MRC2: variants seen among roughly 807,000 people sequenced by gnomAD.
The protein encoded by MRC2 is C-type mannose receptor 2.
In MRC2, 84 loss-of-function variants were observed where a neutral mutation model predicts 206.2. The observed-to-expected ratio is 0.41, with a 90% confidence interval of 0.34 to 0.49. MRC2 has a LOEUF of 0.49. Ranked by LOEUF, MRC2 falls within the 20% of genes least tolerant of loss-of-function variation. The pLI, the probability that MRC2 is intolerant of heterozygous loss-of-function variation, is 0.31. For synonymous variants in MRC2, 798 were observed against 800.0 expected (o/e 1.00, Z 0.04); for missense variants, 1,676 against 2,001.5 (o/e 0.84, Z 3.10).
Position 62,675,530 on chromosome 17 carries a change from C to A in MRC2, c.1570-260C>A, listed in dbSNP as rs747445294. 1.1e-4 allele frequency among the ~76,000 whole-genome samples: 17 copies of A among 152,228 alleles called. No individual in the cohort carries two copies. The highest frequency in any genetic ancestry group is 2.2e-4 in the Non-Finnish European group (15 of 68,036). ...GGCCATTCATCTTCCCGAGCCGGGT[C>A]ACTGGCCGGTCGCTGGTGGCCTGCC... On this transcript the variant is annotated intron_variant, in intron 9 of 29. Transcript: ENST00000303375. The surrounding 1 kb of genome is among the most constrained non-coding windows in gnomAD (Gnocchi z 4.1).
rs753381496 is a variant in MRC2, at chr17:62,680,997, G to GGAGGGCAGGCCCGGGAT, written c.2634+47_2635-39dup. The GGAGGGCAGGCCCGGGAT allele has an allele frequency of 1.1e-5, 18 of 1,611,766 alleles. No homozygotes were observed. The highest frequency in any genetic ancestry group is 3.3e-5 in the South Asian group (3 of 91,024). On this transcript the variant is annotated intron_variant, in intron 17 of 29. Coordinates refer to ENST00000303375, the MANE Select transcript of MRC2 (RefSeq NM_006039.5). The surrounding 1 kb of genome is among the most constrained non-coding windows in gnomAD (Gnocchi z 4.8). ...ATTGAGCAGGGGGCTGCAGGCTGGG[G>GGAGGGCAGGCCCGGGAT]GAGGGCAGGCCCGGGATGAGGGCAG...
Position 62,692,227 on chromosome 17 carries a change from G to C in MRC2, c.4220-4G>C. 1 of 1,612,216 alleles carries C rather than the reference G, an allele frequency of 6.2e-7. No homozygotes were observed. The highest frequency in any genetic ancestry group is 2.2e-5 in the East Asian group (1 of 44,816). ...TGGCCTTTCACGCCCACTCGCCTTG[G>C]CAGCGCTTCCAGAGAACCCAGCGGC... is the stretch of plus-strand genomic sequence containing the variant. On this transcript the variant is annotated splice_region_variant and splice_polypyrimidine_tract_variant and intron_variant, in intron 29 of 29. Transcript: ENST00000303375. This position sits in a 1 kb window ranked among gnomAD's most constrained non-coding sequence, Gnocchi z 4.2.
chr17:62,690,490 A>G, intron 26 of MRC2, 152 bp from the exon 27 acceptor site: 2 of 1,347,442 alleles, frequency 1.5e-6, no homozygotes, highest in Admixed American at 2.3e-5. Flanking sequence ...GCCCCCCCAC[A>G]CACTTGCACA....
intron 1 of MRC2, among the ~76,000 whole-genome samples, chr17:62,645,640 C>A (rs2088474968): frequency 6.8e-6 from 1 of 146,098 alleles, no homozygotes; most frequent in Admixed American, 7.0e-5. Context: ...CTCAAGCAAT[C>A]CTCCCATCTC....
rs182463213 is a variant in MRC2, at chr17:62,634,527, C to T, written c.118+6607C>T. ...TGTTGACCAGGCTGGTCTTGAACTCCTGACCTCATGATCTGCCTGCCTCAG... is the reference window on the plus strand; with the variant it reads ...TGTTGACCAGGCTGGTCTTGAACTCTTGACCTCATGATCTGCCTGCCTCAG... On this transcript the variant is annotated intron_variant, in intron 1 of 29. Transcript: ENST00000303375. Among the ~76,000 whole-genome samples, 921 of 152,306 alleles carry T rather than the reference C, an allele frequency of 6.0e-3. 2 individuals carry two copies. The highest frequency in any genetic ancestry group is 1.0e-2 in the Non-Finnish European group (677 of 68,028).
intron 1 of MRC2, among the ~76,000 whole-genome samples, chr17:62,658,668 G>C (rs1001610325): frequency 2.6e-5 from 4 of 152,208 alleles, no homozygotes; most frequent in African/African-American, 9.6e-5. Flanking sequence ...GGAAGATAAC[G>C]TCCTCTTGGG....
Position 62,666,572 on chromosome 17 carries a change from C to T in MRC2, c.812C>T (p.Ala271Val), listed in dbSNP as rs1462130052. ...TGGGCCAGCTGCGAGCAGCAGGGTG[C>T]GGATCTGCTGAGCATCACGGAGATC... ...EAWASCEQQG[A>V]DLLSITEIHE... The change falls in exon 4 of 30, where the codon GCG becomes GTG. Residue 271 changes from alanine to valine, a missense_variant. Ala to Val is a moderately conservative substitution (Grantham distance 64). Coordinates refer to ENST00000303375, the MANE Select transcript of MRC2 (RefSeq NM_006039.5). This position sits in a 1 kb window ranked among gnomAD's most constrained non-coding sequence, Gnocchi z 5.0. 1 of 1,609,240 alleles carries T rather than the reference C, an allele frequency of 6.2e-7. No individual in the cohort carries two copies. The highest frequency in any genetic ancestry group is 8.5e-7 in the Non-Finnish European group (1 of 1,178,152).
In MRC2 at chr17:62,666,935, A is replaced by G; in HGVS notation, c.973+65A>G. 1 of 1,225,692 alleles carries G rather than the reference A, an allele frequency of 8.2e-7. No homozygotes were observed. 75.9% of individuals were successfully genotyped at this position (1,225,692 alleles called of 1,614,324 possible). A position where few individuals can be genotyped will look rare whatever the true frequency, so the allele number is the denominator to read the frequency against. On this transcript the variant is annotated intron_variant, in intron 5 of 29. Coordinates refer to ENST00000303375, the MANE Select transcript of MRC2 (RefSeq NM_006039.5). The surrounding 1 kb of genome is among the most constrained non-coding windows in gnomAD (Gnocchi z 5.0). ...CCCGCGGGCTCTTGGCCTCCCATGG[A>G]CTCCTCTCCTCATGTCCTCCTGCAG...
At chr17:62,633,840 C>CAAAAAAAAAAAAAAAAA (rs571793821) in intron 1 of MRC2, among the ~76,000 whole-genome samples, 1 of 33,892 alleles carries the variant, frequency 3.0e-5, no homozygotes, top group Non-Finnish European at 5.1e-5. Context: ...GACCCTGTCT[C>CAAAAAAAAAAAAAAAAA]AAAAAAAAAA....
At position 62,676,544 on chromosome 17, in the gene MRC2, T is replaced by C. The variant is rs1250298667; in HGVS notation, c.1834+13T>C. On this transcript the variant is annotated intron_variant, in intron 11 of 29. Transcript: ENST00000303375. ...CGGGACCAGCCCGGTGAGCCCCTTA[T>C]TTGACTTGCCTTGGTGAAGCGAGGA... 7.7e-6 allele frequency: 12 copies of C among 1,565,160 alleles called. No homozygotes were observed. The African/African-American group carries it at 1.6e-4, about 21-fold the overall frequency.
chr17:62,645,478 A>G (rs1031695278), intron 1 of MRC2, among the ~76,000 whole-genome samples: 6 of 64,880 alleles, frequency 9.2e-5, no homozygotes, highest in African/African-American at 5.4e-4. Flanking sequence ...TATACACATA[A>G]TATGTGTGTG....
At chr17:62,665,785 C>G (rs568228154) in intron 2 of MRC2, among the ~76,000 whole-genome samples, 3 of 152,184 alleles carry the variant, frequency 2.0e-5, no homozygotes, top group African/African-American at 4.8e-5. Context: ...GAGATTCCAC[C>G]GGGCTCAGCC....
At chr17:62,637,667 T>C (rs972317161) in intron 1 of MRC2, among the ~76,000 whole-genome samples, 1 of 152,142 alleles carries the variant, frequency 6.6e-6, no homozygotes, top group Non-Finnish European at 1.5e-5. Context: ...AGGCTTTTTT[T>C]CCCTGCCAGG....
At position 62,692,631 on chromosome 17, in the gene MRC2, C is replaced by T; in HGVS notation, c.*180C>T. 1 of 647,338 alleles carries T rather than the reference C, an allele frequency of 1.5e-6. No individual in the cohort carries two copies. The highest frequency in any genetic ancestry group is 2.6e-6 in the Non-Finnish European group (1 of 380,732). 40.1% of individuals were successfully genotyped at this position (647,338 alleles called of 1,614,324 possible). On this transcript the variant is annotated 3_prime_UTR_variant, in exon 30 of 30. Transcript: ENST00000303375. The surrounding 1 kb of genome is among the most constrained non-coding windows in gnomAD (Gnocchi z 4.2). ...GTGGGGTGCCACCCTCCCACAAGGG[C>T]TGGGCTGAGACCCAGCTGAGTGCAG...
At position 62,664,970 on chromosome 17, in the gene MRC2, G is replaced by A. The variant is rs749298115; in HGVS notation, c.520+21G>A. The A allele has an allele frequency of 1.8e-5, 28 of 1,577,112 alleles. No homozygotes were observed. Among genetic ancestry groups the A allele is most frequent in the Middle Eastern group, 1.7e-4 (1 of 5,848 alleles). On this transcript the variant is annotated intron_variant, in intron 2 of 29. Coordinates refer to ENST00000303375, the MANE Select transcript of MRC2 (RefSeq NM_006039.5). The surrounding 1 kb of genome is among the most constrained non-coding windows in gnomAD (Gnocchi z 4.7). Reference sequence around the variant, plus strand: ...CCACGGTGAGGGGCCGCTTGCAGGCGGGAGGGTGGGGTCCCCGATGTCCAG... The same window carrying A: ...CCACGGTGAGGGGCCGCTTGCAGGCAGGAGGGTGGGGTCCCCGATGTCCAG...
At position 62,674,337 on chromosome 17, in the gene MRC2, A is replaced by G. The variant is rs114302147; in HGVS notation, c.1569+167A>G. On this transcript the variant is annotated intron_variant, in intron 9 of 29. Coordinates refer to ENST00000303375, the MANE Select transcript of MRC2 (RefSeq NM_006039.5). ...TCCTTTATTGAAGGAGTGATACTGG[A>G]TGGGATGGGACGGGTGGGCGCTGTT... is the stretch of plus-strand genomic sequence containing the variant. Among the ~76,000 whole-genome samples the G allele has an allele frequency of 3.9e-3, 590 of 152,028 alleles. 5 individuals carry two copies. Among genetic ancestry groups the G allele is most frequent in the African/African-American group, 0.014 (563 of 41,498 alleles).
Position 62,692,321 on chromosome 17 carries a change from G to A in MRC2, c.4310G>A (p.Arg1437Gln). The change falls in exon 30 of 30, where the codon CGG becomes CAG. Residue 1437 changes from arginine (R) to glutamine (Q), a missense_variant. Physicochemically the swap from Arg to Gln is conservative, Grantham distance 43 (BLOSUM62 1). Coordinates refer to ENST00000303375, the MANE Select transcript of MRC2 (RefSeq NM_006039.5). The surrounding 1 kb of genome is among the most constrained non-coding windows in gnomAD (Gnocchi z 4.2). ...ALLTAALILY[R>Q]RRQSIERGAF... ...CTGACCGCAGCCCTCATCCTTTACC[G>A]GAGGCGCCAGAGCATCGAGCGCGGG... The A allele has an allele frequency of 6.3e-7, 1 of 1,584,778 alleles. No homozygotes were observed. The highest frequency in any genetic ancestry group is 8.6e-7 in the Non-Finnish European group (1 of 1,165,742).
intron 1 of MRC2, chr17:62,661,575 T>A (rs1242322138): frequency 1.1e-5 from 1 of 93,560 alleles, no homozygotes; most frequent in Non-Finnish European, 2.2e-5. Flanking sequence ...CTTCCTTCCT[T>A]CATTCCTTCC....
intron 9 of MRC2, 53 bp downstream of exon 9, chr17:62,674,223 C>T (rs2088862029): frequency 7.4e-7 from 1 of 1,350,970 alleles, no homozygotes; most frequent in East Asian, 2.6e-5. Flanking sequence ...AGAGGGGCTA[C>T]CAGGGGAGGG....
Sources: gnomAD v4.1 joint callset for allele counts (sites outside exome capture counted in the v4.1 genomes callset) on GRCh38, gnomAD v4.1.1 for gene constraint, Gnocchi (gnomAD v3.1) non-coding constraint, MANE v1.5 for transcripts, NCBI Gene and HGNC (gene_info 2026-07-23, HGNC 2026-07-21) for gene names.